Variants in SLC26A7 observed in about 807,000 individuals in gnomAD.
SLC26A7 encodes anion exchange transporter.
A neutral mutation model predicts 82.5 loss-of-function variants in SLC26A7; 59 were observed. That is an observed-to-expected ratio of 0.72 (90% CI 0.58 to 0.89). SLC26A7 has a LOEUF of 0.89. Ranked by LOEUF, SLC26A7 falls within the 40% of genes least tolerant of loss-of-function variation. SLC26A7 has a pLI of 0.00. For synonymous variants in SLC26A7, 271 were observed against 274.3 expected (o/e 0.99, Z 0.12); for missense variants, 820 against 793.0 (o/e 1.03, Z -0.41).
At position 91,214,567 on chromosome 8, in the gene SLC26A7, C is replaced by T. The variant is rs149838210; in HGVS notation, c.-149-4323C>T. 5.1e-3 allele frequency among the ~76,000 whole-genome samples: 778 copies of T among 152,152 alleles called. 5 individuals carry two copies. The highest frequency in any genetic ancestry group is 0.017 in the African/African-American group (720 of 41,516). ...AACTTAGATTCTAATCTTGTCTCTA[C>T]CTTGAAATATGAGGCCTAAGGTAAG... On this transcript the variant is annotated intron_variant, in intron 1 of 5. Coordinates refer to the SLC26A7 transcript ENST00000522862.
At chr8:91,257,325 A>G (rs1297249761) in intron 2 of SLC26A7, among the ~76,000 whole-genome samples, 1 of 152,152 alleles carries the variant, frequency 6.6e-6, no homozygotes, top group Non-Finnish European at 1.5e-5. Context: ...GAGAGCAACG[A>G]AAAGGGAAAA....
chr8:91,340,578 A>G (rs779239274), intron 8 of SLC26A7, 27 bp downstream of exon 8: 2 of 1,613,214 alleles, frequency 1.2e-6, no homozygotes, highest in Non-Finnish European at 8.5e-7. Flanking sequence ...GTCCCTCTCC[A>G]CTCCAGTTGT....
intron 15 of SLC26A7, among the ~76,000 whole-genome samples, chr8:91,370,542 C>T (rs917173013): frequency 1.3e-5 from 2 of 151,968 alleles, no homozygotes; most frequent in Non-Finnish European, 2.9e-5. Flanking sequence ...TCAGATTTAC[C>T]TGAAAAATCA....
intron 2 of SLC26A7, among the ~76,000 whole-genome samples, chr8:91,242,137 A>T (rs1186206655): frequency 6.6e-6 from 1 of 152,154 alleles, no homozygotes; most frequent in African/African-American, 2.4e-5. Flanking sequence ...CCAGGTGGGA[A>T]CTCTCTATCC....
At chr8:91,319,246 T>C (rs1173261913) in intron 5 of SLC26A7, among the ~76,000 whole-genome samples, 1 of 152,172 alleles carries the variant, frequency 6.6e-6, no homozygotes, top group African/African-American at 2.4e-5. Flanking sequence ...CAAACAAACA[T>C]TGATTGTTTC....
At chr8:91,301,955 T>C (rs1438930742) in intron 4 of SLC26A7, among the ~76,000 whole-genome samples, 1 of 152,142 alleles carries the variant, frequency 6.6e-6, no homozygotes, top group African/African-American at 2.4e-5. Flanking sequence ...TTGTATTTCC[T>C]CCTTTACCCA....
chr8:91,387,767 TCCTTGACACTCAA>T (rs1197689432), intron 15 of SLC26A7, among the ~76,000 whole-genome samples: 5 of 152,192 alleles, frequency 3.3e-5, no homozygotes, highest in Non-Finnish European at 7.3e-5. Flanking sequence ...ACCATTGCTA[TCCTTGACACTCAA>T]AAGTATTATA....
chr8:91,329,655 A>G (rs954495294), intron 5 of SLC26A7, among the ~76,000 whole-genome samples: 3 of 152,170 alleles, frequency 2.0e-5, no homozygotes, highest in Non-Finnish European at 4.4e-5. Flanking sequence ...TTGTCATGGC[A>G]TACTTTTAAT....
intron 2 of SLC26A7, among the ~76,000 whole-genome samples, chr8:91,284,255 C>G (rs1276523818): frequency 2.0e-5 from 3 of 152,288 alleles, no homozygotes; most frequent in South Asian, 2.1e-4. Flanking sequence ...GCACTGTGTT[C>G]TTATTCCCCA....
At chr8:91,278,918 A>T (rs1811479580) in intron 2 of SLC26A7, among the ~76,000 whole-genome samples, 1 of 151,580 alleles carries the variant, frequency 6.6e-6, no homozygotes, top group African/African-American at 2.4e-5. Context: ...ATCCCGACCC[A>T]CCTTAGCTTC....
At chr8:91,391,255 C>G (rs1305163489) in intron 16 of SLC26A7, among the ~76,000 whole-genome samples, 2 of 152,122 alleles carry the variant, frequency 1.3e-5, no homozygotes, top group East Asian at 3.9e-4. Flanking sequence ...CAGCATAGTC[C>G]CAGCTGCATC....
chr8:91,345,948 G>T lies in SLC26A7; in HGVS notation c.1140+2482G>T, dbSNP rs116846587. Among the ~76,000 whole-genome samples, 1,456 of 152,184 alleles carry T rather than the reference G, an allele frequency of 9.6e-3. 15 individuals are homozygous for T. Among genetic ancestry groups the T allele is most frequent in the Non-Finnish European group, 0.015 (1,044 of 68,020 alleles). On this transcript the variant is annotated intron_variant, in intron 9 of 18. Transcript: ENST00000276609. ...TTTCACTTGAGTTGGGTGTACAGAT[G>T]TTTGATTAATATGGTTGGGATAAAG...
intron 2 of SLC26A7, among the ~76,000 whole-genome samples, chr8:91,234,827 A>ACTTCCTTCCTTC (rs1315137017): frequency 0.023 from 2,121 of 92,336 alleles, 82 homozygotes; most frequent in African/African-American, 0.062. Context: ...CTACCTACCT[A>ACTTCCTTCCTTC]CTTCCTTCCT....
intron 2 of SLC26A7, among the ~76,000 whole-genome samples, chr8:91,229,780 G>T (rs1278443716): frequency 2.0e-5 from 3 of 152,094 alleles, no homozygotes; most frequent in Admixed American, 6.5e-5. Flanking sequence ...CTGTAAGGTT[G>T]CTGGATTTTA....
intron 15 of SLC26A7, among the ~76,000 whole-genome samples, chr8:91,371,815 A>G (rs953512009): frequency 6.6e-6 from 1 of 151,912 alleles, no homozygotes; most frequent in Admixed American, 6.6e-5. Flanking sequence ...ACCGTTTTCC[A>G]TGGTGGAGGG....
intron 5 of SLC26A7, among the ~76,000 whole-genome samples, chr8:91,332,929 A>C (rs1379510019): frequency 6.6e-6 from 1 of 152,164 alleles, no homozygotes; most frequent in Admixed American, 6.6e-5. Flanking sequence ...TTTCTAATAT[A>C]TTCTGTGCAT....
intron 4 of SLC26A7, among the ~76,000 whole-genome samples, chr8:91,297,819 CTTGTT>C (rs1812055950): frequency 6.6e-6 from 1 of 152,086 alleles, no homozygotes. Context: ...GTGTGTTTGT[CTTGTT>C]TTATTTATTT....
At chr8:91,289,337 C>A in intron 3 of SLC26A7, 91 bp downstream of exon 3, 1 of 994,460 alleles carries the variant, frequency 1.0e-6, no homozygotes, top group African/African-American at 1.6e-5. Context: ...GTGTTAATGT[C>A]ACTGCTGAAA....
rs1472863057 is a variant in SLC26A7 at position 91,318,221 on chromosome 8, C to T, written c.483C>T (p.Ala161=). The T allele has an allele frequency of 6.3e-7, 1 of 1,593,826 alleles. No homozygotes were observed. Among genetic ancestry groups the T allele is most frequent in the Non-Finnish European group, 8.6e-7 (1 of 1,169,020 alleles). Residue 161 remains alanine (A), a synonymous_variant, in exon 5 of 19, where the codon GCC becomes GCT. Transcript: ENST00000276609. ...CTTCTCCCTTCTCCTCTTAGGTGGC[C>T]ATGTTTGTGCTGCAACTGGGCAGTG... ...VSFLGGVIQV[A]MFVLQLGSAT... is the part of the protein sequence containing the mutation.
Sources: allele counts gnomAD v4.1 joint callset (sites outside exome capture counted in the v4.1 genomes callset), GRCh38; gene constraint gnomAD v4.1.1; transcripts MANE v1.5; gene names NCBI Gene and HGNC (gene_info 2026-07-23, HGNC 2026-07-21).